The following ACVR2A variants were observed in gnomAD, a reference collection of about 807,000 sequenced individuals.
The protein encoded by ACVR2A is activin receptor type-2A.
A neutral mutation model predicts 61.4 loss-of-function variants in ACVR2A; 7 were observed. That is an observed-to-expected ratio of 0.11 (90% CI 0.06 to 0.21). ACVR2A has a LOEUF of 0.21. Ranked by LOEUF, ACVR2A falls within the 10% of genes least tolerant of loss-of-function variation. The pLI is 1.00. For synonymous variants in ACVR2A, 193 were observed against 208.3 expected, an observed-to-expected ratio of 0.93 and a Z score of 0.63; for missense variants, 322 against 621.7, an observed-to-expected ratio of 0.52 and a Z score of 5.13.
intron 1 of ACVR2A, among the ~76,000 whole-genome samples, chr2:147,889,641 G>A (rs1011028213): frequency 1.3e-5 from 2 of 152,004 alleles, no homozygotes; most frequent in African/African-American, 4.8e-5. Flanking sequence ...CAGCTACTTG[G>A]GAGGCTGAGG....
intron 1 of ACVR2A, among the ~76,000 whole-genome samples, chr2:147,856,656 A>C (rs1039371368): frequency 1.3e-5 from 2 of 152,176 alleles, no homozygotes; most frequent in African/African-American, 4.8e-5. Flanking sequence ...GTCAATGAGT[A>C]AATGAGGACG....
At chr2:147,898,940 G>A (rs917857944) in intron 2 of ACVR2A, among the ~76,000 whole-genome samples, 4 of 152,020 alleles carry the variant, frequency 2.6e-5, no homozygotes, top group African/African-American at 9.6e-5. Flanking sequence ...CCTAGTTTGG[G>A]TTTCTGATGT....
At position 147,930,345 on chromosome 2, in the gene ACVR2A, T is replaced by A. The variant is rs1476390351; in HGVS notation, c.*3071T>A. 2 of 134,532 alleles carry A rather than the reference T, an allele frequency of 1.5e-5. No homozygotes were observed. The highest frequency in any genetic ancestry group is 6.0e-5 in the African/African-American group (2 of 33,244). The allele number at this position is 134,532 out of a possible 1,614,324, so 8.3% of individuals were successfully genotyped here. On this transcript the variant is annotated 3_prime_UTR_variant, in exon 11 of 11. Coordinates refer to ENST00000241416, the MANE Select transcript of ACVR2A (RefSeq NM_001616.5). ...TGGTTTAGTGGAATAAACTGATTAC[T>A]GGTTTTTTTGTTTTTTTTTTTTTTT...
At chr2:147,877,522 G>A (rs1006593058) in intron 1 of ACVR2A, 1 of 152,114 alleles carries the variant, frequency 6.6e-6, no homozygotes, top group Non-Finnish European at 1.5e-5. Context: ...AAGAACATAA[G>A]CAAAGAAAGA....
chr2:147,888,660 C>T lies in ACVR2A; in HGVS notation c.56-7641C>T, dbSNP rs557798221. Among the ~76,000 whole-genome samples the T allele has an allele frequency of 5.1e-3, 746 of 146,588 alleles. 7 individuals are homozygous for T. Among genetic ancestry groups the T allele is most frequent in the African/African-American group, 0.018 (721 of 40,538 alleles). The stretch of plus-strand genomic sequence containing the variant: ...ACCTTACTTAATTCGCTTATTAGTT[C>T]GGGGGCTGCTGCTGCTGCTTCTTTT... On this transcript the variant is annotated intron_variant, in intron 1 of 10. Coordinates refer to ENST00000241416, the MANE Select transcript of ACVR2A (RefSeq NM_001616.5).
chr2:147,917,818 A>G (rs1366290411), intron 6 of ACVR2A, among the ~76,000 whole-genome samples: 1 of 151,936 alleles, frequency 6.6e-6, no homozygotes, highest in African/African-American at 2.4e-5. Flanking sequence ...GAGTCAGGAA[A>G]TTTATCTGAT....
chr2:147,885,016 A>G (rs190126987), intron 1 of ACVR2A, among the ~76,000 whole-genome samples: 278 of 151,864 alleles, frequency 1.8e-3, no homozygotes, highest in Non-Finnish European at 3.1e-3. Flanking sequence ...CATCTTCCCA[A>G]CCTCTGTTTA....
At chr2:147,862,390 T>C (rs1685746833) in intron 1 of ACVR2A, among the ~76,000 whole-genome samples, 2 of 152,148 alleles carry the variant, frequency 1.3e-5, no homozygotes, top group Admixed American at 6.6e-5. Flanking sequence ...AATCCTGCCA[T>C]TGATTGCTGC....
At chr2:147,859,377 G>A (rs930665894) in intron 1 of ACVR2A, among the ~76,000 whole-genome samples, 3 of 152,002 alleles carry the variant, frequency 2.0e-5, no homozygotes, top group Admixed American at 1.3e-4. Context: ...TGATTAGAGA[G>A]GAGGGCATGG....
intron 1 of ACVR2A, among the ~76,000 whole-genome samples, chr2:147,889,717 A>C (rs1686534063): frequency 6.6e-6 from 1 of 152,096 alleles, no homozygotes; most frequent in East Asian, 1.9e-4. Context: ...ATTGCACTCC[A>C]GCCTGGGCGA....
At chr2:147,918,906 G>A (rs1205546275) in intron 7 of ACVR2A, among the ~76,000 whole-genome samples, 1 of 151,998 alleles carries the variant, frequency 6.6e-6, no homozygotes, top group Non-Finnish European at 1.5e-5. Flanking sequence ...TTTATCAATA[G>A]GGATTATTAT....
intron 4 of ACVR2A, among the ~76,000 whole-genome samples, chr2:147,912,705 A>G (rs1687148301): frequency 6.6e-6 from 1 of 151,910 alleles, no homozygotes; most frequent in Non-Finnish European, 1.5e-5. Flanking sequence ...TTTTTATTTA[A>G]AAAGGATTAG....
chr2:147,889,942 G>T lies in ACVR2A; in HGVS notation c.56-6359G>T, dbSNP rs115098646. On this transcript the variant is annotated intron_variant, in intron 1 of 10. Coordinates refer to ENST00000241416, the MANE Select transcript of ACVR2A (RefSeq NM_001616.5). ...ACTAGATTATGTGATTAGACTTACTGATTTACTGTAAACTGAGTGTGAATT... is the reference window on the plus strand; with the variant it reads ...ACTAGATTATGTGATTAGACTTACTTATTTACTGTAAACTGAGTGTGAATT... Among the ~76,000 whole-genome samples the T allele has an allele frequency of 4.5e-3, 682 of 151,576 alleles. 5 individuals carry two copies. Among genetic ancestry groups the T allele is most frequent in the African/African-American group, 0.016 (664 of 41,276 alleles).
At chr2:147,890,487 A>G (rs1414754494) in intron 1 of ACVR2A, among the ~76,000 whole-genome samples, 1 of 152,170 alleles carries the variant, frequency 6.6e-6, no homozygotes, top group East Asian at 1.9e-4. Context: ...CAGGACCTAC[A>G]TAATGGCACT....
chr2:147,898,198 A>C (rs527323854), intron 2 of ACVR2A: 9 of 152,178 alleles, frequency 5.9e-5, no homozygotes, highest in Non-Finnish European at 8.8e-5. Context: ...TTTAAACTAT[A>C]AAATTTTGTT....
At chr2:147,899,650 C>T in intron 3 of ACVR2A, 83 bp downstream of exon 3, 2 of 1,581,656 alleles carry the variant, frequency 1.3e-6, no homozygotes, top group Non-Finnish European at 1.7e-6. Flanking sequence ...ATAATTTGCC[C>T]CTACCTCTTC....
chr2:147,912,589 T>G (rs978313207), intron 4 of ACVR2A, among the ~76,000 whole-genome samples: 1 of 151,920 alleles, frequency 6.6e-6, no homozygotes, highest in Non-Finnish European at 1.5e-5. Flanking sequence ...AGTATTGATT[T>G]TTTTGTGAAT....
At chr2:147,909,925 G>C (rs1165593194) in intron 4 of ACVR2A, among the ~76,000 whole-genome samples, 1 of 152,088 alleles carries the variant, frequency 6.6e-6, no homozygotes, top group Non-Finnish European at 1.5e-5. Context: ...ATAGGTATGA[G>C]CTATCACACC....
intron 1 of ACVR2A, among the ~76,000 whole-genome samples, chr2:147,874,067 C>T (rs1415014432): frequency 6.6e-6 from 1 of 151,782 alleles, no homozygotes; most frequent in Non-Finnish European, 1.5e-5. Flanking sequence ...TTCTTGGTGA[C>T]TTAAGAGCAA....
Sources: allele counts gnomAD v4.1 joint callset (sites outside exome capture counted in the v4.1 genomes callset), GRCh38; gene constraint gnomAD v4.1.1; transcripts MANE v1.5; gene names NCBI Gene and HGNC (gene_info 2026-07-23, HGNC 2026-07-21).